The following CRACDL variants were observed in gnomAD, a reference collection of about 807,000 sequenced individuals.
The protein encoded by CRACDL is CRACD-like protein.
CRACDL carries 26 observed loss-of-function variants against 70.6 expected under a neutral mutation model. The observed-to-expected ratio is 0.37, with a 90% CI of 0.27 to 0.51. The LOEUF is 0.51. Among genes scored for constraint, CRACDL ranks in the 20% least tolerant of loss-of-function variants. The probability of loss-of-function intolerance (pLI) is 0.94; values close to 1 mark genes in which losing one functional copy is unlikely to be tolerated. For missense variants in CRACDL, 1,283 were observed against 1,376.9 expected, an observed-to-expected ratio of 0.93 and a Z score of 1.08; for synonymous variants, 618 against 615.2, an observed-to-expected ratio of 1.00 and a Z score of -0.07.
At chr2:98,835,788 A>G (rs955883207) in intron 3 of CRACDL, among the ~76,000 whole-genome samples, 9 of 152,226 alleles carry the variant, frequency 5.9e-5, no homozygotes, top group African/African-American at 2.2e-4. Context: ...AATTTCAGTT[A>G]GCAAGTGTAC....
intron 5 of CRACDL, among the ~76,000 whole-genome samples, 185 bp from the exon 6 acceptor site, chr2:98,827,354 G>A (rs1223511016): frequency 6.6e-6 from 1 of 151,916 alleles, no homozygotes; most frequent in Non-Finnish European, 1.5e-5. Flanking sequence ...CAAGGCTGGA[G>A]TGCAGTGGCG....
chr2:98,865,298 C>A (rs1707090412), intron 1 of CRACDL, among the ~76,000 whole-genome samples: 1 of 152,150 alleles, frequency 6.6e-6, no homozygotes. Context: ...CATTCCACTT[C>A]CGCAGGAAGA....
chr2:98,917,972 T>C (rs1415694454), intron 1 of CRACDL, among the ~76,000 whole-genome samples: 1 of 152,244 alleles, frequency 6.6e-6, no homozygotes, highest in Non-Finnish European at 1.5e-5. Context: ...TATGGCTGAA[T>C]AGTATTCCAC....
Position 98,794,624 on chromosome 2 carries a change from C to T in CRACDL, c.2797G>A (p.Ala933Thr), listed in dbSNP as rs1196317759. ...GGCTGATCTGTACTGGCATAACTGGCTCTCTTCAGCTGATGCAGTTCCTTC... is the reference window on the plus strand; with the variant it reads ...GGCTGATCTGTACTGGCATAACTGGTTCTCTTCAGCTGATGCAGTTCCTTC... ...MEKELHQLKR[A>T]SYASTDQPSW... is the part of the protein sequence containing the mutation. Residue 933 changes from alanine to threonine, a missense_variant, in exon 10 of 10, where the codon GCC becomes ACC. Transcript: ENST00000397899. The T allele has an allele frequency of 6.2e-7, 1 of 1,613,736 alleles. No homozygotes were observed. Among genetic ancestry groups the T allele is most frequent in the East Asian group, 2.2e-5 (1 of 44,884 alleles).
chr2:98,908,190 C>T (rs564056551), intron 1 of CRACDL, among the ~76,000 whole-genome samples: 30 of 152,340 alleles, frequency 2.0e-4, no homozygotes, highest in African/African-American at 6.3e-4. Flanking sequence ...AACCAGTAGA[C>T]GGACTGGCTG....
intron 1 of CRACDL, among the ~76,000 whole-genome samples, chr2:98,895,923 A>G (rs973013986): frequency 6.6e-6 from 1 of 152,156 alleles, no homozygotes; most frequent in Non-Finnish European, 1.5e-5. Context: ...CCACCATGAG[A>G]GGACACAGCA....
At chr2:98,917,938 G>C (rs12712042) in intron 1 of CRACDL, among the ~76,000 whole-genome samples, 71,747 of 152,076 alleles carry the variant, frequency 0.47, 18,647 homozygotes, top group African/African-American at 0.68. Flanking sequence ...CATGTTGCTG[G>C]AAAAGATATG....
intron 7 of CRACDL, among the ~76,000 whole-genome samples, chr2:98,820,388 CG>C (rs1704978227): frequency 6.6e-6 from 1 of 151,782 alleles, no homozygotes; most frequent in Non-Finnish European, 1.5e-5. Flanking sequence ...AAAAATTAGC[CG>C]GGTGTAGTAT....
chr2:98,814,217 TGC>T (rs1704690816), intron 7 of CRACDL, among the ~76,000 whole-genome samples: 1 of 152,174 alleles, frequency 6.6e-6, no homozygotes, highest in African/African-American at 2.4e-5. Context: ...GAGTTTAGTT[TGC>T]TTTTCTTTTT....
intron 9 of CRACDL, among the ~76,000 whole-genome samples, chr2:98,795,172 T>A (rs1206850082): frequency 2.0e-5 from 3 of 146,678 alleles, no homozygotes; most frequent in Non-Finnish European, 4.5e-5. Flanking sequence ...GCCTCCCGGG[T>A]TCAAGCGATT....
chr2:98,830,621 T>A (rs1301655669), intron 5 of CRACDL, among the ~76,000 whole-genome samples: 1 of 152,236 alleles, frequency 6.6e-6, no homozygotes, highest in Admixed American at 6.5e-5. Flanking sequence ...AATTTTGGTT[T>A]CCTATGAAGC....
chr2:98,913,378 C>T (rs749853300), intron 1 of CRACDL, among the ~76,000 whole-genome samples: 4 of 152,180 alleles, frequency 2.6e-5, no homozygotes, highest in Non-Finnish European at 5.9e-5. Context: ...CAGGGTGGTC[C>T]GTGGGCAGTC....
chr2:98,802,425 T>C (rs2104410374), intron 7 of CRACDL, among the ~76,000 whole-genome samples: 1 of 152,336 alleles, frequency 6.6e-6, no homozygotes, highest in Middle Eastern at 3.4e-3. Flanking sequence ...AGAACTCTCC[T>C]GTAGGAGAGG....
At chr2:98,795,098 A>G (rs1330269021) in intron 9 of CRACDL, among the ~76,000 whole-genome samples, 7 of 34,904 alleles carry the variant, frequency 2.0e-4, no homozygotes, top group African/African-American at 5.3e-4. Flanking sequence ...TTTTTGAGAC[A>G]GAAGTCTCAC....
At chr2:98,885,236 G>A (rs1353799401) in intron 1 of CRACDL, among the ~76,000 whole-genome samples, 1 of 152,142 alleles carries the variant, frequency 6.6e-6, no homozygotes, top group Non-Finnish European at 1.5e-5. Context: ...TGAAGGGTGT[G>A]TGAGACGTAA....
intron 1 of CRACDL, among the ~76,000 whole-genome samples, chr2:98,927,308 G>A (rs1318723954): frequency 1.3e-5 from 2 of 152,210 alleles, no homozygotes; most frequent in Non-Finnish European, 2.9e-5. Context: ...AGTTACCGGC[G>A]GGCCAGCTCT....
intron 1 of CRACDL, among the ~76,000 whole-genome samples, chr2:98,876,760 A>C (rs1218841554): frequency 6.6e-6 from 1 of 152,204 alleles, no homozygotes; most frequent in Non-Finnish European, 1.5e-5. Flanking sequence ...AATCTCAGGA[A>C]GTTTCCCTAC....
At chr2:98,887,640 C>A (rs78997090) in intron 1 of CRACDL, among the ~76,000 whole-genome samples, 1 of 152,062 alleles carries the variant, frequency 6.6e-6, no homozygotes, top group Non-Finnish European at 1.5e-5. Context: ...GAGGAAAACA[C>A]GACCCATTCA....
Position 98,823,785 on chromosome 2 carries a change from G to T in CRACDL, c.736-248C>A, listed in dbSNP as rs1300746522. Among the ~76,000 whole-genome samples, 1 of 152,220 alleles carries T rather than the reference G, an allele frequency of 6.6e-6. No individual in the cohort carries two copies. The highest frequency in any genetic ancestry group is 1.5e-5 in the Non-Finnish European group (1 of 68,042). On this transcript the variant is annotated intron_variant, in intron 6 of 9. Transcript: ENST00000397899. The surrounding 1 kb of genome is among the most constrained non-coding windows in gnomAD (Gnocchi z 4.0). The stretch of plus-strand genomic sequence containing the variant: ...AAATGTCTACAGCTCCTCTGGCAGA[G>T]CCTCAAAACCAGTGGACTAGAGTAA...
Sources: gnomAD v4.1 joint callset for allele counts (sites outside exome capture counted in the v4.1 genomes callset) on GRCh38, gnomAD v4.1.1 for gene constraint, Gnocchi (gnomAD v3.1) non-coding constraint, MANE v1.5 for transcripts, NCBI Gene and HGNC (gene_info 2026-07-23, HGNC 2026-07-21) for gene names.